The following PLCB1 variants were observed in gnomAD, a reference collection of about 807,000 sequenced individuals.
The protein encoded by PLCB1 is phospholipase C beta 1, also known as 1-phosphatidylinositol 4,5-bisphosphate phosphodiesterase beta-1.
In PLCB1, 46 loss-of-function variants were observed where a neutral mutation model predicts 161.8. That is an observed-to-expected ratio of 0.28 (90% CI 0.22 to 0.36). The LOEUF is 0.36. Ranked by LOEUF, PLCB1 falls within the 10% of genes least tolerant of loss-of-function variation. The probability of loss-of-function intolerance (pLI) is 1.00; values close to 1 mark genes in which losing one functional copy is unlikely to be tolerated. For synonymous variants in PLCB1, 517 were observed against 503.7 expected, an observed-to-expected ratio of 1.03 and a Z score of -0.35; for missense variants, 1,016 against 1,472.5, an observed-to-expected ratio of 0.69 and a Z score of 5.07.
In PLCB1 at chr20:8,787,396, A is replaced by G. The variant is rs1983541460; in HGVS notation, c.3112-1053A>G. ...GACTCCCTTATACTTGGCTGTCTCA[A>G]AAGTTTGTGGTATTATGATTTGTCT... is the stretch of plus-strand genomic sequence containing the variant. On this transcript the variant is annotated intron_variant, in intron 27 of 31. Transcript: ENST00000338037. Among the ~76,000 whole-genome samples, 4 of 152,300 alleles carry G rather than the reference A, an allele frequency of 2.6e-5. No individual in the cohort carries two copies. In the South Asian group the frequency reaches 8.3e-4, roughly 32 times the overall value.
intron 3 of PLCB1, among the ~76,000 whole-genome samples, chr20:8,589,877 C>G (rs1334679264): frequency 6.6e-6 from 1 of 151,890 alleles, no homozygotes; most frequent in Non-Finnish European, 1.5e-5. Context: ...CCTCAGCCTC[C>G]CAAAGGGCAG....
intron 31 of PLCB1, among the ~76,000 whole-genome samples, chr20:8,828,638 G>A (rs1253331238): frequency 3.3e-5 from 5 of 152,186 alleles, no homozygotes; most frequent in African/African-American, 4.8e-5. Context: ...AATTTCTGCA[G>A]AACTAGGATT....
rs377514117 is a variant in PLCB1 at position 8,486,303 on chromosome 20, C to A, written c.246+114853C>A. 2.5e-3 allele frequency among the ~76,000 whole-genome samples: 376 copies of A among 152,240 alleles called. 4 individuals are homozygous for A. Among genetic ancestry groups the A allele is most frequent in the South Asian group, 0.013 (63 of 4,816 alleles). On this transcript the variant is annotated intron_variant, in intron 3 of 31. Transcript: ENST00000338037. Reference sequence around the variant, plus strand: ...AGGCAAACTCTAGTCAATTGAATTTCTCATATATCTTTCATTCTAACCCGT... The same window carrying A: ...AGGCAAACTCTAGTCAATTGAATTTATCATATATCTTTCATTCTAACCCGT...
At chr20:8,299,301 G>A (rs776503475) in intron 2 of PLCB1, among the ~76,000 whole-genome samples, 2 of 152,046 alleles carry the variant, frequency 1.3e-5, no homozygotes, top group Non-Finnish European at 2.9e-5. Context: ...GTAAAACAGT[G>A]GTTTTGAGTA....
intron 2 of PLCB1, among the ~76,000 whole-genome samples, chr20:8,183,749 A>C (rs1395236540): frequency 6.6e-6 from 1 of 152,218 alleles, no homozygotes; most frequent in East Asian, 1.9e-4. Flanking sequence ...TCAGATGTGC[A>C]TGTTTCACAA....
chr20:8,268,810 G>A (rs1237719993), intron 2 of PLCB1, among the ~76,000 whole-genome samples: 1 of 151,594 alleles, frequency 6.6e-6, no homozygotes, highest in East Asian at 1.9e-4. Context: ...TTTTTGATGG[G>A]GTTGTTTTTT....
intron 31 of PLCB1, among the ~76,000 whole-genome samples, chr20:8,853,497 C>A (rs997037576): frequency 2.0e-5 from 3 of 151,942 alleles, no homozygotes; most frequent in Middle Eastern, 3.2e-3. Flanking sequence ...CATCTGGCTT[C>A]TTTTTTTGTT....
At chr20:8,768,006 C>A (rs1040124826) in intron 26 of PLCB1, among the ~76,000 whole-genome samples, 2 of 151,792 alleles carry the variant, frequency 1.3e-5, no homozygotes, top group African/African-American at 4.8e-5. Context: ...CCCATCTCTA[C>A]TAAAAATATG....
chr20:8,815,784 T>G (rs1985059835), intron 31 of PLCB1, among the ~76,000 whole-genome samples: 1 of 152,320 alleles, frequency 6.6e-6, no homozygotes, highest in African/African-American at 2.4e-5. Flanking sequence ...ATTGAAAACA[T>G]AGAGAAGAAT....
intron 2 of PLCB1, among the ~76,000 whole-genome samples, chr20:8,316,415 C>G (rs955298083): frequency 2.0e-5 from 3 of 152,088 alleles, no homozygotes; most frequent in African/African-American, 7.2e-5. Context: ...AGCGATCTTG[C>G]CTGTAATGAC....
rs538254948 is a variant in PLCB1 at position 8,771,964 on chromosome 20, C to T, written c.2931-2575C>T. Among the ~76,000 whole-genome samples the T allele has an allele frequency of 3.4e-3, 514 of 151,694 alleles. 6 individuals carry two copies. The highest frequency in any genetic ancestry group is 3.0e-3 in the Non-Finnish European group (202 of 67,974). ...TGGCATGATCACAACTCACTGCAGT[C>T]TCGACCTCCTGGGCTCAATCAATCC... is the stretch of plus-strand genomic sequence containing the variant. On this transcript the variant is annotated intron_variant, in intron 26 of 31. Coordinates refer to ENST00000338037, the MANE Select transcript of PLCB1 (RefSeq NM_015192.4).
intron 2 of PLCB1, among the ~76,000 whole-genome samples, chr20:8,370,796 C>T (rs1326392958): frequency 1.3e-5 from 2 of 152,168 alleles, no homozygotes; most frequent in Non-Finnish European, 2.9e-5. Flanking sequence ...ATGACAGGTC[C>T]ATCCAGGAAA....
At chr20:8,292,356 G>A (rs1983423355) in intron 2 of PLCB1, among the ~76,000 whole-genome samples, 1 of 152,122 alleles carries the variant, frequency 6.6e-6, no homozygotes, top group Non-Finnish European at 1.5e-5. Context: ...TTCAAGCACA[G>A]TTGTGCTTTT....
rs1345560910 is a variant in PLCB1 at position 8,132,529 on chromosome 20, G to A, written c.-123G>A. ...GGCCGGGAGGCCGGGGAGGCCGGCG[G>A]GGAGCAGAGTCGAGCGCCTCCGGAG... On this transcript the variant is annotated 5_prime_UTR_variant, in exon 1 of 32. Coordinates refer to ENST00000338037, the MANE Select transcript of PLCB1 (RefSeq NM_015192.4). The surrounding 1 kb of genome is among the most constrained non-coding windows in gnomAD (Gnocchi z 5.2). 1.0e-5 allele frequency: 5 copies of A among 492,754 alleles called. No homozygotes were observed. Among genetic ancestry groups the A allele is most frequent in the Non-Finnish European group, 1.7e-5 (5 of 297,780 alleles). 30.5% of individuals were successfully genotyped at this position (492,754 alleles called of 1,614,324 possible). A position where few individuals can be genotyped will look rare whatever the true frequency, so the allele number is the denominator to read the frequency against.
chr20:8,866,724 G>A (rs950422829), intron 31 of PLCB1, among the ~76,000 whole-genome samples: 2 of 152,122 alleles, frequency 1.3e-5, no homozygotes, highest in South Asian at 2.1e-4. Flanking sequence ...GCCTCAGTTT[G>A]CTCTCCCTGA....
rs1194500560 is a variant in PLCB1 at position 8,644,323 on chromosome 20, C to T, written c.385-1779C>T. Among the ~76,000 whole-genome samples the T allele has an allele frequency of 6.7e-5, 10 of 149,870 alleles. No individual in the cohort carries two copies. In the South Asian group the frequency reaches 1.9e-3, roughly 28 times the overall value. ...CTGGAAAGTGAGGAGCGTCTCTGCC[C>T]GGCCGCCATCCCATCTAGGAAGTGA... On this transcript the variant is annotated intron_variant, in intron 4 of 31. Transcript: ENST00000338037.
intron 3 of PLCB1, among the ~76,000 whole-genome samples, chr20:8,475,307 C>T (rs977401466): frequency 1.4e-4 from 22 of 151,966 alleles, no homozygotes; most frequent in Non-Finnish European, 3.1e-4. Flanking sequence ...CCCTGGCAGC[C>T]GAGAGCAGTG....
In PLCB1 at chr20:8,197,621, CTGAT is replaced by C. The variant is rs532645532; in HGVS notation, c.177+47251_177+47254del. Among the ~76,000 whole-genome samples, 20 of 152,258 alleles carry C rather than the reference CTGAT, an allele frequency of 1.3e-4. No homozygotes were observed. In the South Asian group the frequency reaches 4.2e-3, roughly 32 times the overall value. Reference sequence around the variant, plus strand: ...CCATTCTGTAGGTTGCCTGTTCACTCTGATAGTAGTTTCTTTTGCTGTGCAGAAA... The same window carrying C: ...CCATTCTGTAGGTTGCCTGTTCACTCAGTAGTTTCTTTTGCTGTGCAGAAA... On this transcript the variant is annotated intron_variant, in intron 2 of 31. Transcript: ENST00000338037.
At chr20:8,756,951 T>G in intron 23 of PLCB1, 95 bp from the exon 24 acceptor site, 1 of 1,157,576 alleles carries the variant, frequency 8.6e-7, no homozygotes. Flanking sequence ...CCAAAAGAAT[T>G]GTGAAGATGC....
Sources: gnomAD v4.1 joint callset for allele counts (sites outside exome capture counted in the v4.1 genomes callset) on GRCh38, gnomAD v4.1.1 for gene constraint, Gnocchi (gnomAD v3.1) non-coding constraint, MANE v1.5 for transcripts, NCBI Gene and HGNC (gene_info 2026-07-23, HGNC 2026-07-21) for gene names.